Variants in UBAP2 observed in about 807,000 individuals in gnomAD.
UBAP2 encodes the protein ubiquitin-associated protein 2.
In UBAP2, 75 loss-of-function variants were observed where a neutral mutation model predicts 139.6. The observed-to-expected ratio is 0.54, with a 90% CI of 0.45 to 0.65. The LOEUF (loss-of-function observed/expected upper bound fraction) is 0.65. UBAP2 is among the 30% of genes least tolerant of loss of function. The pLI, the probability that UBAP2 is intolerant of heterozygous loss-of-function variation, is 0.00. For synonymous variants in UBAP2, 526 were observed against 526.2 expected, an observed-to-expected ratio of 1.00 and a Z score of 0.01; for missense variants, 1,368 against 1,369.6, an observed-to-expected ratio of 1.00 and a Z score of 0.02.
In UBAP2 at chr9:33,927,022, G is replaced by A. The variant is rs773203754; in HGVS notation, c.2430C>T (p.Leu810=). The change falls in exon 21 of 29, where the codon CTC becomes CTT. Residue 810 remains leucine, a synonymous_variant. Coordinates refer to ENST00000379238, the MANE Select transcript of UBAP2 (RefSeq NM_001370062.2). ...GVPPLLHNQY[L]VGPGGLLPAY... ...CAGGAAGCAGTCCTCCGGGACCTAC[G>A]AGGTACTGGTTGTGCAGCAGGGGAG... is the stretch of plus-strand genomic sequence containing the variant. 9.3e-6 allele frequency: 15 copies of A among 1,614,156 alleles called. No homozygotes were observed. Among genetic ancestry groups the A allele is most frequent in the South Asian group, 2.2e-5 (2 of 91,088 alleles).
At position 33,944,416 on chromosome 9, in the gene UBAP2, T is replaced by C; in HGVS notation, c.1494A>G (p.Pro498=). ...TAGCAAGTTTGATGTGTTTGGGCTG[T>C]GGCTGGTGGACAGACACAGAGATAT... ...IENISVSVHQ[P]QPKHIKLAKR... is the part of the protein sequence containing the mutation. The change falls in exon 14 of 29, where the codon CCA becomes CCG. Residue 498 remains proline (P), a synonymous_variant. Coordinates refer to ENST00000379238, the MANE Select transcript of UBAP2 (RefSeq NM_001370062.2). 2 of 1,614,158 alleles carry C rather than the reference T, an allele frequency of 1.2e-6. No individual in the cohort carries two copies. Among genetic ancestry groups the C allele is most frequent in the Non-Finnish European group, 1.7e-6 (2 of 1,180,020 alleles).
chr9:34,025,084 C>A (rs1310490439), intron 1 of UBAP2, among the ~76,000 whole-genome samples: 1 of 152,102 alleles, frequency 6.6e-6, no homozygotes, highest in Non-Finnish European at 1.5e-5. Flanking sequence ...TTGTTACCAC[C>A]ACTGAACTGT....
At chr9:34,036,091 G>T (rs930051890) in intron 1 of UBAP2, among the ~76,000 whole-genome samples, 1 of 151,386 alleles carries the variant, frequency 6.6e-6, no homozygotes, top group South Asian at 2.1e-4. Context: ...CAATTTAATT[G>T]TAACTTCAGG....
At chr9:33,979,784 C>T (rs1306810119) in intron 6 of UBAP2, among the ~76,000 whole-genome samples, 1 of 152,086 alleles carries the variant, frequency 6.6e-6, no homozygotes, top group African/African-American at 2.4e-5. Context: ...AGGAGAATTG[C>T]TTGAACCCCG....
chr9:33,978,930 C>G (rs924427145), intron 6 of UBAP2, among the ~76,000 whole-genome samples: 1 of 152,200 alleles, frequency 6.6e-6, no homozygotes, highest in Non-Finnish European at 1.5e-5. Flanking sequence ...AAACCAACCC[C>G]TGTAACTTCA....
chr9:33,980,082 C>T (rs1316385797), intron 6 of UBAP2, among the ~76,000 whole-genome samples: 1 of 151,752 alleles, frequency 6.6e-6, no homozygotes, highest in Admixed American at 6.6e-5. Context: ...GTTTCAACAA[C>T]AAAAAACTGT....
intron 1 of UBAP2, among the ~76,000 whole-genome samples, chr9:34,036,676 G>C (rs922767590): frequency 6.6e-6 from 1 of 152,184 alleles, no homozygotes; most frequent in African/African-American, 2.4e-5. Flanking sequence ...ATAAATATTC[G>C]TTCAAGTGAA....
chr9:33,981,114 A>C lies in UBAP2; in HGVS notation c.520+5646T>G, dbSNP rs1460117727. ...ATATATATATTCTGGATATATATAT[A>C]TATATATATATATATATATATATTC... On this transcript the variant is annotated intron_variant, in intron 6 of 28. Coordinates refer to ENST00000379238, the MANE Select transcript of UBAP2 (RefSeq NM_001370062.2). 4.2e-4 allele frequency among the ~76,000 whole-genome samples: 2 copies of C among 4,764 alleles called. 1 individual carries two copies. The highest frequency in any genetic ancestry group is 1.0e-3 in the Non-Finnish European group (2 of 1,948). 3.1% of individuals were successfully genotyped at this position (4,764 alleles called of 152,430 possible).
intron 22 of UBAP2, among the ~76,000 whole-genome samples, chr9:33,925,597 C>T (rs140653385): frequency 6.6e-6 from 1 of 152,272 alleles, no homozygotes; most frequent in African/African-American, 2.4e-5. Context: ...GGCCTTTGGC[C>T]GGCAGATTAA....
chr9:33,994,240 G>A (rs968368685), intron 4 of UBAP2, among the ~76,000 whole-genome samples: 20 of 152,146 alleles, frequency 1.3e-4, no homozygotes, highest in Admixed American at 2.6e-4. Context: ...CTTCAGGTTC[G>A]GTCCCAAAGG....
chr9:33,973,278 T>C (rs377338245), intron 6 of UBAP2, 41 bp from the exon 7 acceptor site: 184 of 1,584,836 alleles, frequency 1.2e-4, no homozygotes, highest in African/African-American at 2.4e-4. Flanking sequence ...ATAATACTTA[T>C]GTCCTACACA....
intron 2 of UBAP2, among the ~76,000 whole-genome samples, chr9:34,016,423 G>A (rs1284271204): frequency 6.6e-6 from 1 of 151,600 alleles, no homozygotes; most frequent in Non-Finnish European, 1.5e-5. Context: ...GGCAGTGGCA[G>A]CCTAATAGCT....
chr9:34,039,677 A>C (rs1826858659), intron 1 of UBAP2, among the ~76,000 whole-genome samples: 1 of 151,824 alleles, frequency 6.6e-6, no homozygotes. Flanking sequence ...CCACTCCCTA[A>C]TCTCAAGTAC....
At chr9:34,045,063 A>G (rs1827450234) in intron 1 of UBAP2, among the ~76,000 whole-genome samples, 1 of 151,996 alleles carries the variant, frequency 6.6e-6, no homozygotes, top group South Asian at 2.1e-4. Flanking sequence ...ACGGGTAAAA[A>G]AAGGCTGGGC....
At chr9:34,017,648 CG>C (rs1246539222) in intron 1 of UBAP2, among the ~76,000 whole-genome samples, 1 of 152,082 alleles carries the variant, frequency 6.6e-6, no homozygotes, top group Non-Finnish European at 1.5e-5. Flanking sequence ...ATTGTGTGGC[CG>C]GGTGCGGTGG....
At chr9:34,022,353 T>C (rs1428596546) in intron 1 of UBAP2, among the ~76,000 whole-genome samples, 1 of 150,926 alleles carries the variant, frequency 6.6e-6, no homozygotes, top group Non-Finnish European at 1.5e-5. Context: ...CACCTGTAAG[T>C]CCCAGCTATT....
At chr9:34,012,962 C>A (rs1319979625) in intron 2 of UBAP2, among the ~76,000 whole-genome samples, 1 of 151,496 alleles carries the variant, frequency 6.6e-6, no homozygotes, top group African/African-American at 2.4e-5. Context: ...ACTGACTAAC[C>A]TGGCCAACAT....
rs1450651639 is a variant in UBAP2, at chr9:34,028,250, C to T, written c.-41-11061G>A. Among the ~76,000 whole-genome samples, 5 of 151,974 alleles carry T rather than the reference C, an allele frequency of 3.3e-5. No homozygotes were observed. In the South Asian group the frequency reaches 8.3e-4, roughly 25 times the overall value. Reference sequence around the variant, plus strand: ...TAGGACATCAAAATTTATTTGATATCGTCACAATTCTCTTTCAGGTTACCT... The same window carrying T: ...TAGGACATCAAAATTTATTTGATATTGTCACAATTCTCTTTCAGGTTACCT... On this transcript the variant is annotated intron_variant, in intron 1 of 28. Transcript: ENST00000379238.
chr9:33,927,973 G>T lies in UBAP2; in HGVS notation c.2195C>A (p.Ala732Asp). 1 of 1,613,358 alleles carries T rather than the reference G, an allele frequency of 6.2e-7. No individual in the cohort carries two copies. Among genetic ancestry groups the T allele is most frequent in the Non-Finnish European group, 8.5e-7 (1 of 1,179,578 alleles). Residue 732 changes from alanine to aspartate, a missense_variant, in exon 20 of 29, where the codon GCC becomes GAC. Ala to Asp is a moderately radical substitution (Grantham distance 126). Coordinates refer to ENST00000379238, the MANE Select transcript of UBAP2 (RefSeq NM_001370062.2). ...TSHTHASVES[A>D]SSHQSSATFS... Reference sequence around the variant, plus strand: ...GGTGGCTGAGGACTGGTGGGAAGAGGCGCTCTCCACACTGGCATGCTGGCA... The same window carrying T: ...GGTGGCTGAGGACTGGTGGGAAGAGTCGCTCTCCACACTGGCATGCTGGCA...
Sources: gnomAD v4.1 joint callset for allele counts (sites outside exome capture counted in the v4.1 genomes callset) on GRCh38, gnomAD v4.1.1 for gene constraint, MANE v1.5 for transcripts, NCBI Gene and HGNC (gene_info 2026-07-23, HGNC 2026-07-21) for gene names.